Variants in NCK1 observed in about 807,000 individuals in gnomAD.
NCK1 encodes NCK adaptor protein 1.
In NCK1, 19 loss-of-function variants were observed where a neutral mutation model predicts 36.6. The observed-to-expected ratio is 0.52, with a 90% CI of 0.36 to 0.76. NCK1 has a LOEUF of 0.76. Among genes scored for constraint, NCK1 ranks in the 30% least tolerant of loss-of-function variants. NCK1 has a pLI of 0.00. For synonymous variants in NCK1, 165 were observed against 156.0 expected, an observed-to-expected ratio of 1.06 and a Z score of -0.43; for missense variants, 358 against 445.6, an observed-to-expected ratio of 0.80 and a Z score of 1.77.
chr3:136,936,086 G>T (rs186591627), intron 2 of NCK1, among the ~76,000 whole-genome samples: 30 of 149,366 alleles, frequency 2.0e-4, no homozygotes, highest in Non-Finnish European at 3.4e-4. Context: ...TGTCACACAG[G>T]CTGGAGTGCA....
At chr3:136,910,157 C>T (rs1251181433) in intron 1 of NCK1, among the ~76,000 whole-genome samples, 2 of 152,162 alleles carry the variant, frequency 1.3e-5, no homozygotes, top group Non-Finnish European at 2.9e-5. Context: ...TGCTGCATTA[C>T]TGTCTTTTGT....
chr3:136,893,198 ATGTG>A (rs1553793947), intron 1 of NCK1, among the ~76,000 whole-genome samples: 11 of 132,116 alleles, frequency 8.3e-5, no homozygotes, highest in East Asian at 2.4e-4. Flanking sequence ...ATATACACAC[ATGTG>A]CAAGTATCTT....
At chr3:136,875,177 T>G (rs568413282) in intron 1 of NCK1, among the ~76,000 whole-genome samples, 2 of 152,322 alleles carry the variant, frequency 1.3e-5, no homozygotes, top group African/African-American at 4.8e-5. Flanking sequence ...TGCTCTCTGT[T>G]TGTCTGTTAT....
intron 1 of NCK1, among the ~76,000 whole-genome samples, chr3:136,878,227 G>A (rs767491992): frequency 2.6e-5 from 4 of 152,100 alleles, no homozygotes; most frequent in Non-Finnish European, 5.9e-5. Context: ...TGGCCAACAT[G>A]GTGAAACCCC....
At chr3:136,943,663 A>G (rs565545536) in intron 2 of NCK1, among the ~76,000 whole-genome samples, 3 of 152,318 alleles carry the variant, frequency 2.0e-5, no homozygotes, top group South Asian at 4.1e-4. Context: ...CTTTGTTCCT[A>G]CTACTGATGT....
intron 1 of NCK1, among the ~76,000 whole-genome samples, chr3:136,883,045 A>G (rs970027354): frequency 6.6e-6 from 1 of 152,094 alleles, no homozygotes; most frequent in Non-Finnish European, 1.5e-5. Flanking sequence ...CAGCCTCCCA[A>G]GTAGCTGGGA....
At chr3:136,884,352 G>A (rs904409893) in intron 1 of NCK1, among the ~76,000 whole-genome samples, 5 of 152,200 alleles carry the variant, frequency 3.3e-5, no homozygotes, top group Non-Finnish European at 7.3e-5. Flanking sequence ...CTTTTATTAA[G>A]TAGTTTGAGA....
At chr3:136,912,403 C>G (rs946945353) in intron 1 of NCK1, among the ~76,000 whole-genome samples, 11 of 151,836 alleles carry the variant, frequency 7.2e-5, no homozygotes, top group Non-Finnish European at 1.3e-4. Flanking sequence ...TTCAAATAAT[C>G]TCTTTGCCCC....
chr3:136,948,256 T>C lies in NCK1; in HGVS notation c.940-3T>C, dbSNP rs368447756. 1.5e-5 allele frequency: 23 copies of C among 1,582,420 alleles called. No individual in the cohort carries two copies. Among genetic ancestry groups the C allele is most frequent in the Non-Finnish European group, 1.9e-5 (22 of 1,167,856 alleles). ...CTATATGTATCTTTTTTTTCTCTTT[T>C]AGCCAAATGATTTCTCAGTATCACT... On this transcript the variant is annotated splice_region_variant and splice_polypyrimidine_tract_variant and intron_variant, in intron 3 of 3. Coordinates refer to ENST00000481752, the MANE Select transcript of NCK1 (RefSeq NM_001291999.2).
chr3:136,863,889 C>A (rs544296723), intron 1 of NCK1, among the ~76,000 whole-genome samples: 1 of 151,800 alleles, frequency 6.6e-6, no homozygotes, highest in Non-Finnish European at 1.5e-5. Context: ...ATCACGAGGT[C>A]AGGAGATTGA....
At chr3:136,876,609 G>A (rs554705468) in intron 1 of NCK1, among the ~76,000 whole-genome samples, 6 of 150,784 alleles carry the variant, frequency 4.0e-5, no homozygotes, top group Admixed American at 2.0e-4. Context: ...TGCCTATTTT[G>A]TCTCTGTTAT....
intron 1 of NCK1, among the ~76,000 whole-genome samples, chr3:136,868,370 C>T (rs1377302751): frequency 6.6e-6 from 1 of 151,878 alleles, no homozygotes; most frequent in Non-Finnish European, 1.5e-5. Flanking sequence ...CTCTGTCACT[C>T]AGGATGGAGT....
intron 1 of NCK1, chr3:136,889,089 A>C (rs1576954512): frequency 9.0e-6 from 1 of 110,722 alleles, no homozygotes; most frequent in African/African-American, 3.4e-5. Context: ...AGACAGTCTC[A>C]CTGTGTTGCC....
Position 136,948,384 on chromosome 3 carries a change from T to C in NCK1, c.1065T>C (p.His355=). The change falls in exon 4 of 4, where the codon CAT becomes CAC. Residue 355 remains histidine, a synonymous_variant. Transcript: ENST00000481752. ...GCACCATGGAAGAACTTGTAGAACA[T>C]TACAAAAAGGCACCAATTTTTACAA... The part of the protein sequence containing the change: ...KFSTMEELVE[H]YKKAPIFTSE... The C allele has an allele frequency of 6.2e-7, 1 of 1,613,108 alleles. No individual in the cohort carries two copies. The highest frequency in any genetic ancestry group is 8.5e-7 in the Non-Finnish European group (1 of 1,179,316).
At chr3:136,866,619 CTT>C (rs1235706593) in intron 1 of NCK1, among the ~76,000 whole-genome samples, 1 of 142,828 alleles carries the variant, frequency 7.0e-6, no homozygotes, top group African/African-American at 2.6e-5. Context: ...TTTCTTTCTT[CTT>C]TTTTTTTTTC....
intron 1 of NCK1, among the ~76,000 whole-genome samples, chr3:136,897,820 T>G (rs965739584): frequency 6.6e-6 from 1 of 152,212 alleles, no homozygotes; most frequent in African/African-American, 2.4e-5. Flanking sequence ...TTTGAAAATT[T>G]TTTATAAAAA....
At chr3:136,914,787 A>G (rs868619154) in intron 1 of NCK1, among the ~76,000 whole-genome samples, 59 of 152,276 alleles carry the variant, frequency 3.9e-4, no homozygotes, top group African/African-American at 1.3e-3. Flanking sequence ...TCCAAATCTC[A>G]TGTTGAAATT....
chr3:136,889,844 A>G (rs1356809095), intron 1 of NCK1, among the ~76,000 whole-genome samples: 2 of 152,214 alleles, frequency 1.3e-5, no homozygotes, highest in Non-Finnish European at 2.9e-5. Context: ...ACCTTGAGCT[A>G]GAGACAGAGT....
At chr3:136,869,472 G>A (rs991135897) in intron 1 of NCK1, among the ~76,000 whole-genome samples, 6 of 152,198 alleles carry the variant, frequency 3.9e-5, no homozygotes, top group Non-Finnish European at 7.3e-5. Flanking sequence ...TTAAACCCGG[G>A]AGGCAGGGGT....
Sources: allele counts gnomAD v4.1 joint callset (sites outside exome capture counted in the v4.1 genomes callset), GRCh38; gene constraint gnomAD v4.1.1; transcripts MANE v1.5; gene names NCBI Gene and HGNC (gene_info 2026-07-23, HGNC 2026-07-21).